Variants in ACACB observed in about 807,000 individuals in gnomAD.
The protein encoded by ACACB is acetyl-CoA carboxylase beta.
Under a neutral mutation model 278.8 loss-of-function variants are expected in ACACB, and 209 were observed. That is an observed-to-expected ratio of 0.75 (90% confidence interval 0.67 to 0.84). ACACB has a LOEUF of 0.84. Ranked by LOEUF, ACACB falls within the 40% of genes least tolerant of loss-of-function variation. The probability of loss-of-function intolerance (pLI) is 0.00; values close to 1 mark genes in which losing one functional copy is unlikely to be tolerated. For synonymous variants in ACACB, 1,174 were observed against 1,285.6 expected, an observed-to-expected ratio of 0.91 and a Z score of 1.86; for missense variants, 2,850 against 3,269.0, an observed-to-expected ratio of 0.87 and a Z score of 3.13.
intron 17 of ACACB, 32 bp downstream of exon 17, chr12:109,197,185 G>C (rs530964104): frequency 6.3e-7 from 1 of 1,586,418 alleles, no homozygotes; most frequent in East Asian, 2.4e-5. Context: ...ACTGTGGGCT[G>C]GGCATGCACA....
At chr12:109,214,490 A>G (rs189262800) in intron 22 of ACACB, among the ~76,000 whole-genome samples, 2 of 152,326 alleles carry the variant, frequency 1.3e-5, no homozygotes, top group Non-Finnish European at 2.9e-5. Flanking sequence ...CCTAAAACAC[A>G]TAGACTGCTA....
At chr12:109,112,791 A>G (rs1035116102), upstream of ACACB, among the ~76,000 whole-genome samples, 1 of 151,702 alleles carries the variant, frequency 6.6e-6, no homozygotes, top group Non-Finnish European at 1.5e-5. Context: ...ATATTCCTGC[A>G]CTCAGTATGC....
rs1304054803 is a variant in ACACB, at chr12:109,256,223, A to G, written c.6250A>G (p.Thr2084Ala). 1 of 1,613,744 alleles carries G rather than the reference A, an allele frequency of 6.2e-7. No homozygotes were observed. Among genetic ancestry groups the G allele is most frequent in the Non-Finnish European group, 8.5e-7 (1 of 1,179,824 alleles). Residue 2084 changes from threonine to alanine, a missense_variant, in exon 45 of 53, where the codon ACA becomes GCA. By Grantham distance (58) the Thr-to-Ala change is moderately conservative. Transcript: ENST00000338432. ...IMAPWAQTVV[T>A]GRARLGGIPV... ...GGCACCCTGGGCGCAGACCGTGGTG[A>G]CAGGACGAGCAAGGTAATCATGAAG...
chr12:109,204,205 A>G (rs1223607658), intron 19 of ACACB, among the ~76,000 whole-genome samples: 2 of 150,246 alleles, frequency 1.3e-5, no homozygotes, highest in Non-Finnish European at 3.0e-5. Context: ...TCTTTTGGTT[A>G]GTTTAAAATG....
At chr12:109,166,816 G>A in intron 2 of ACACB, 45 bp from the exon 3 acceptor site, 3 of 1,613,450 alleles carry the variant, frequency 1.9e-6, no homozygotes, top group Non-Finnish European at 2.5e-6. Flanking sequence ...CTGAGTCCCA[G>A]GCTTCTTCCC....
At chr12:109,222,403 C>A in intron 24 of ACACB, 104 bp from the exon 25 acceptor site, 1 of 1,000,380 alleles carries the variant, frequency 1.0e-6, no homozygotes, top group Non-Finnish European at 1.6e-6. Flanking sequence ...GAGAGTGGAG[C>A]AGCCGCCTGG....
chr12:109,254,094 C>A, intron 43 of ACACB, 120 bp from the exon 44 acceptor site: 1 of 1,240,920 alleles, frequency 8.1e-7, no homozygotes, highest in Non-Finnish European at 1.2e-6. Context: ...TTCAGGAGCC[C>A]TAGGGAGGGG....
chr12:109,210,891 A>G (rs2136430118), intron 21 of ACACB, among the ~76,000 whole-genome samples: 2 of 152,138 alleles, frequency 1.3e-5, no homozygotes, highest in South Asian at 4.1e-4. Flanking sequence ...TCCAGAAAAA[A>G]AAAAAAGAAT....
At chr12:109,200,936 A>G (rs781137687) in intron 18 of ACACB, among the ~76,000 whole-genome samples, 1 of 152,158 alleles carries the variant, frequency 6.6e-6, no homozygotes, top group Non-Finnish European at 1.5e-5. Flanking sequence ...GCCACTTCTG[A>G]AGATCACAGA....
Position 109,266,418 on chromosome 12 carries a change from CCACCCGTA to C in ACACB, c.*62_*69del. 6.5e-7 allele frequency: 1 copy of C among 1,538,252 alleles called. No homozygotes were observed. The highest frequency in any genetic ancestry group is 8.7e-7 in the Non-Finnish European group (1 of 1,146,968). ...CGGCAAAAGGAACCACCCAGACCCA[CCACCCGTA>C]CACCCTCAGCAGACCCTGAAGACTT... is the stretch of plus-strand genomic sequence containing the variant. On this transcript the variant is annotated 3_prime_UTR_variant, in exon 53 of 53. Coordinates refer to ENST00000338432, the MANE Select transcript of ACACB (RefSeq NM_001093.4).
In ACACB at chr12:109,260,471, G is replaced by T. The variant is rs779690087; in HGVS notation, c.6497-9G>T. 7 of 1,614,158 alleles carry T rather than the reference G, an allele frequency of 4.3e-6. No individual in the cohort carries two copies. Among genetic ancestry groups the T allele is most frequent in the African/African-American group, 1.3e-5 (1 of 75,048 alleles). ...GGGCCCTGAACTGGGAGGCTGCTTT[G>T]CTTTTCAGACATGTATGACCAGGTG... On this transcript the variant is annotated splice_polypyrimidine_tract_variant and intron_variant, in intron 47 of 52. Coordinates refer to ENST00000338432, the MANE Select transcript of ACACB (RefSeq NM_001093.4).
intron 2 of ACACB, among the ~76,000 whole-genome samples, chr12:109,157,145 G>T (rs955980064): frequency 6.6e-6 from 1 of 152,110 alleles, no homozygotes; most frequent in African/African-American, 2.4e-5. Flanking sequence ...TGGCTAAAAA[G>T]ATGGATTTGG....
In ACACB at chr12:109,262,469, G is replaced by T. The variant is rs764919005; in HGVS notation, c.6787G>T (p.Gly2263Trp). The change falls in exon 49 of 53, where the codon GGG becomes TGG. Residue 2263 changes from glycine (G) to tryptophan (W), a missense_variant and splice_region_variant. Physicochemically the swap from Gly to Trp is radical, Grantham distance 184. Coordinates refer to ENST00000338432, the MANE Select transcript of ACACB (RefSeq NM_001093.4). ...PAYKKLMEQL[G>W]EPDLSDKDRK... is the part of the protein sequence containing the mutation. ...TTACAAGAAGCTCATGGAACAGCTA[G>T]GTAAGGGGGTCCCAAAGGCTTCACC... 3.1e-6 allele frequency: 5 copies of T among 1,609,984 alleles called. No individual in the cohort carries two copies. Among genetic ancestry groups the T allele is most frequent in the Non-Finnish European group, 4.2e-6 (5 of 1,177,226 alleles).
rs1237749874 is a variant in ACACB, at chr12:109,166,844, T to C, written c.654-17T>C. 2 of 1,613,844 alleles carry C rather than the reference T, an allele frequency of 1.2e-6. No homozygotes were observed. The highest frequency in any genetic ancestry group is 4.5e-5 in the East Asian group (2 of 44,848). Reference sequence around the variant, plus strand: ...TTCTTCCCTCATGCACGTCTGTCCCTCATTCTTATTCTGCAGGCCGAGCAT... The same window carrying C: ...TTCTTCCCTCATGCACGTCTGTCCCCCATTCTTATTCTGCAGGCCGAGCAT... On this transcript the variant is annotated splice_polypyrimidine_tract_variant and intron_variant, in intron 2 of 52. Transcript: ENST00000338432.
At position 109,152,640 on chromosome 12, in the gene ACACB, C is replaced by CTTTTTTTTTTTTT. The variant is rs34863094; in HGVS notation, c.653+12595_653+12607dup. ...GCCTGTGCCTTTTCTTTCTTTCTTT[C>CTTTTTTTTTTTTT]TTTTTTTTTTTTTTTTTTTTTTTTT... On this transcript the variant is annotated intron_variant, in intron 2 of 52. Coordinates refer to ENST00000338432, the MANE Select transcript of ACACB (RefSeq NM_001093.4). Among the ~76,000 whole-genome samples the CTTTTTTTTTTTTT allele has an allele frequency of 1.1e-4, 8 of 74,838 alleles. 1 individual carries two copies. Among genetic ancestry groups the CTTTTTTTTTTTTT allele is most frequent in the Admixed American group, 1.8e-4 (1 of 5,558 alleles). The allele number at this position is 74,838 out of a possible 152,430, so 49.1% of individuals were successfully genotyped here.
chr12:109,182,509 A>G, intron 11 of ACACB, among the ~76,000 whole-genome samples: 1 of 152,178 alleles, frequency 6.6e-6, no homozygotes, highest in East Asian at 1.9e-4. Flanking sequence ...CTGAGACTAC[A>G]AGTGTGCAAC....
intron 19 of ACACB, among the ~76,000 whole-genome samples, chr12:109,202,317 T>A (rs2045360098): frequency 6.6e-6 from 1 of 152,166 alleles, no homozygotes; most frequent in South Asian, 2.1e-4. Context: ...ATTATTATTA[T>A]TATTCATTTT....
At chr12:109,210,453 A>ATGTATATACACGCACATACATG (rs1565928651) in intron 21 of ACACB, among the ~76,000 whole-genome samples, 2 of 136,616 alleles carry the variant, frequency 1.5e-5, no homozygotes, top group Non-Finnish European at 1.6e-5. Context: ...ATGTGTATAT[A>ATGTATATACACGCACATACATG]TGTATATATA....
intron 4 of ACACB, 45 bp downstream of exon 4, chr12:109,168,079 C>A: frequency 1.3e-6 from 2 of 1,564,072 alleles, no homozygotes; most frequent in African/African-American, 2.7e-5. Flanking sequence ...TCCATCCTTG[C>A]CTGCCCTCGC....
Sources: allele counts gnomAD v4.1 joint callset (sites outside exome capture counted in the v4.1 genomes callset), GRCh38; gene constraint gnomAD v4.1.1; transcripts MANE v1.5; gene names NCBI Gene and HGNC (gene_info 2026-07-23, HGNC 2026-07-21).